The following SUGCT variants were observed in gnomAD, a reference collection of about 807,000 sequenced individuals.
SUGCT encodes succinyl-CoA:glutarate-CoA transferase, also known as succinyl-CoA:glutarate CoA-transferase.
Under a neutral mutation model 55.0 loss-of-function variants are expected in SUGCT, and 41 were observed. The ratio of observed to expected loss-of-function variants is 0.74; its 90% CI spans 0.58 to 0.97. SUGCT has a LOEUF of 0.97. Among genes scored for constraint, SUGCT ranks in the 50% least tolerant of loss-of-function variants. The pLI, the probability that SUGCT is intolerant of heterozygous loss-of-function variation, is 0.00. For synonymous variants in SUGCT, 187 were observed against 200.4 expected (o/e 0.93, Z 0.56); for missense variants, 568 against 547.8 (o/e 1.04, Z -0.37).
chr7:40,218,618 C>G (rs551411833), intron 6 of SUGCT, among the ~76,000 whole-genome samples: 21 of 152,054 alleles, frequency 1.4e-4, no homozygotes, highest in Admixed American at 5.2e-4. Flanking sequence ...AATCAGTGCT[C>G]TGTGTCTAGC....
intron 12 of SUGCT, among the ~76,000 whole-genome samples, chr7:40,593,967 C>G (rs1028052127): frequency 3.3e-5 from 5 of 152,110 alleles, no homozygotes; most frequent in Non-Finnish European, 5.9e-5. Flanking sequence ...AAATGTGGCA[C>G]ATATACACCA....
At chr7:40,717,776 A>G (rs554731407) in intron 12 of SUGCT, among the ~76,000 whole-genome samples, 12 of 152,342 alleles carry the variant, frequency 7.9e-5, no homozygotes, top group Non-Finnish European at 2.9e-5. Flanking sequence ...TCTTCACTGC[A>G]TCGTTTGGTT....
At position 40,659,722 on chromosome 7, in the gene SUGCT, C is replaced by G. The variant is rs564048994; in HGVS notation, c.1090-89712C>G. On this transcript the variant is annotated intron_variant, in intron 12 of 13. Coordinates refer to ENST00000335693, the MANE Select transcript of SUGCT (RefSeq NM_001193313.2). ...CAGCAGGAAAAAGAAGCCAATCCAC[C>G]CTTCTTGCATGCAGTCCCAATTTCT... Among the ~76,000 whole-genome samples, 298 of 152,262 alleles carry G rather than the reference C, an allele frequency of 2.0e-3. 1 individual carries two copies. The highest frequency in any genetic ancestry group is 6.9e-3 in the African/African-American group (288 of 41,548).
intron 1 of SUGCT, among the ~76,000 whole-genome samples, chr7:40,180,245 A>C (rs1268283034): frequency 1.3e-5 from 2 of 150,106 alleles, no homozygotes; most frequent in Non-Finnish European, 3.0e-5. Flanking sequence ...TGCCTCAGCG[A>C]GTAGCTAGAA....
At chr7:40,232,742 C>G (rs1404675942) in intron 6 of SUGCT, among the ~76,000 whole-genome samples, 1 of 152,022 alleles carries the variant, frequency 6.6e-6, no homozygotes, top group Non-Finnish European at 1.5e-5. Flanking sequence ...CGAGGTTGCT[C>G]CTTAAAATGA....
At chr7:41,020,633 A>G in the SUGCT span, among the ~76,000 whole-genome samples, 1 of 152,200 alleles carries the variant, frequency 6.6e-6, no homozygotes, top group African/African-American at 2.4e-5. Flanking sequence ...ATAAACTGCC[A>G]TAAAAGTAAT....
At chr7:40,810,923 GA>G (rs1791375947) in intron 13 of SUGCT, among the ~76,000 whole-genome samples, 1 of 152,084 alleles carries the variant, frequency 6.6e-6, no homozygotes, top group South Asian at 2.1e-4. Flanking sequence ...AATCCATCTT[GA>G]GTTAATTTTT....
intron 9 of SUGCT, among the ~76,000 whole-genome samples, chr7:40,409,563 G>A (rs1786559387): frequency 1.3e-5 from 2 of 152,100 alleles, no homozygotes; most frequent in African/African-American, 2.4e-5. Flanking sequence ...CCTGGCCCCT[G>A]TTGTCTCTTA....
chr7:40,182,685 A>G (rs1209066944), intron 3 of SUGCT, among the ~76,000 whole-genome samples: 1 of 152,150 alleles, frequency 6.6e-6, no homozygotes, highest in Non-Finnish European at 1.5e-5. Flanking sequence ...AATCTTTACA[A>G]CAACCCTATG....
chr7:41,036,632 G>A, the SUGCT span, among the ~76,000 whole-genome samples: 1 of 152,112 alleles, frequency 6.6e-6, no homozygotes, highest in African/African-American at 2.4e-5. Flanking sequence ...TGGTGCAAAA[G>A]TAATTGCCAT....
chr7:41,034,362 C>T, the SUGCT span, among the ~76,000 whole-genome samples: 1 of 152,152 alleles, frequency 6.6e-6, no homozygotes. Context: ...TGAGAACTAA[C>T]AGTTCATTAC....
At chr7:40,972,849 A>G in the SUGCT span, among the ~76,000 whole-genome samples, 1 of 152,184 alleles carries the variant, frequency 6.6e-6, no homozygotes, top group Non-Finnish European at 1.5e-5. Flanking sequence ...GCACTGCTGT[A>G]GACCTTCTGT....
At chr7:40,638,507 A>G (rs1584183820) in intron 12 of SUGCT, among the ~76,000 whole-genome samples, 1 of 152,336 alleles carries the variant, frequency 6.6e-6, no homozygotes, top group East Asian at 1.9e-4. Flanking sequence ...ATCTGAAGAC[A>G]GAAATGACTG....
chr7:40,705,884 C>T (rs1290100484), intron 12 of SUGCT, among the ~76,000 whole-genome samples: 1 of 152,146 alleles, frequency 6.6e-6, no homozygotes, highest in Non-Finnish European at 1.5e-5. Context: ...GTACAAAGGG[C>T]ATGAGTTCAG....
chr7:40,896,662 A>G, the SUGCT span, among the ~76,000 whole-genome samples: 1 of 152,164 alleles, frequency 6.6e-6, no homozygotes, highest in Non-Finnish European at 1.5e-5. Flanking sequence ...CCATGATTGT[A>G]AGTTTCCTGA....
At chr7:40,903,734 A>G in the SUGCT span, among the ~76,000 whole-genome samples, 1 of 152,222 alleles carries the variant, frequency 6.6e-6, no homozygotes, top group Non-Finnish European at 1.5e-5. Flanking sequence ...TGTTTGCAGC[A>G]GGAAACTGTC....
At chr7:40,597,774 C>G (rs983466341) in intron 12 of SUGCT, among the ~76,000 whole-genome samples, 1 of 152,130 alleles carries the variant, frequency 6.6e-6, no homozygotes, top group Admixed American at 6.5e-5. Flanking sequence ...ACTATTGACC[C>G]ACAGTTGAAA....
chr7:40,845,205 G>A (rs1793495186), intron 13 of SUGCT, among the ~76,000 whole-genome samples: 1 of 152,134 alleles, frequency 6.6e-6, no homozygotes, highest in Non-Finnish European at 1.5e-5. Context: ...AGAAAGTGAG[G>A]TACAACACTG....
chr7:40,321,383 G>T (rs73320559), intron 9 of SUGCT, among the ~76,000 whole-genome samples: 15,588 of 148,146 alleles, frequency 0.11, 1,088 homozygotes, highest in East Asian at 0.4. Context: ...AGCCATTTTT[G>T]TTTTACTTTG....
Sources: allele counts gnomAD v4.1 joint callset (sites outside exome capture counted in the v4.1 genomes callset), GRCh38; gene constraint gnomAD v4.1.1; transcripts MANE v1.5; gene names NCBI Gene and HGNC (gene_info 2026-07-23, HGNC 2026-07-21).